TBC1D2: variants seen among roughly 807,000 people sequenced by gnomAD.
TBC1D2 encodes the protein TBC1 domain family member 2, also known as TBC1 domain family member 2A.
Under a neutral mutation model 91.1 loss-of-function variants are expected in TBC1D2, and 58 were observed. That is an observed-to-expected ratio of 0.64 (90% CI 0.52 to 0.79). The LOEUF is 0.79. TBC1D2 is among the 30% of genes least tolerant of loss of function. The pLI, the probability that TBC1D2 is intolerant of heterozygous loss-of-function variation, is 0.00. For synonymous variants in TBC1D2, 482 were observed against 511.5 expected (o/e 0.94, Z 0.78); for missense variants, 1,080 against 1,208.3 (o/e 0.89, Z 1.57).
chr9:98,218,840 G>A (rs542106448), intron 6 of TBC1D2, among the ~76,000 whole-genome samples: 15 of 152,254 alleles, frequency 9.9e-5, no homozygotes, highest in African/African-American at 2.2e-4. Flanking sequence ...ACAGGCGTGC[G>A]CCACCACAAA....
In TBC1D2 at chr9:98,221,121, C is replaced by A. The variant is rs1367387492; in HGVS notation, c.1086G>T (p.Val362=). ...AAEDKDRLEL[V]RHKVRQIAEL... ...CCGCGATCTGCCGCACTTTGTGCCG[C>A]ACCAGCTCCAGCCGGTCCTTGTCCT... Residue 362 remains valine, a synonymous_variant, in exon 6 of 13, where the codon GTG becomes GTT. Transcript: ENST00000465784. The A allele has an allele frequency of 1.3e-6, 2 of 1,594,474 alleles. No homozygotes were observed. Among genetic ancestry groups the A allele is most frequent in the Non-Finnish European group, 1.7e-6 (2 of 1,171,432 alleles).
chr9:98,232,334 C>CTTTTTTTTTTTTTTTTTT (rs1564251655), intron 4 of TBC1D2, among the ~76,000 whole-genome samples: 5 of 62,886 alleles, frequency 8.0e-5, no homozygotes, highest in Admixed American at 1.5e-4. Context: ...TCTTCTTTCT[C>CTTTTTTTTTTTTTTTTTT]TTTTTCTGTT....
At chr9:98,200,161 A>C in intron 12 of TBC1D2, 92 bp downstream of exon 12, 1 of 1,545,236 alleles carries the variant, frequency 6.5e-7, no homozygotes, top group African/African-American at 1.3e-5. Context: ...GTCACTTACC[A>C]ATCTCTACTT....
At position 98,255,608 on chromosome 9, in the gene TBC1D2, C is replaced by T. The variant is rs891265947; in HGVS notation, c.-67G>A. Reference sequence around the variant, plus strand: ...GACCACCAGGGACAAATCTCGGAGACTCGGCGGGCAGCTTCCCAAAGGGAG... The same window carrying T: ...GACCACCAGGGACAAATCTCGGAGATTCGGCGGGCAGCTTCCCAAAGGGAG... On this transcript the variant is annotated 5_prime_UTR_variant, in exon 1 of 13. Transcript: ENST00000465784. The T allele has an allele frequency of 9.9e-6, 14 of 1,416,466 alleles. No homozygotes were observed. Among genetic ancestry groups the T allele is most frequent in the Non-Finnish European group, 1.2e-5 (13 of 1,089,032 alleles). 87.7% of individuals were successfully genotyped at this position (1,416,466 alleles called of 1,614,324 possible).
intron 5 of TBC1D2, among the ~76,000 whole-genome samples, chr9:98,227,275 G>A (rs1054353607): frequency 7.9e-5 from 12 of 152,230 alleles, no homozygotes; most frequent in Non-Finnish European, 1.2e-4. Context: ...TCTCTGCCAT[G>A]AAATGCAAGC....
rs1829860483 is a variant in TBC1D2, at chr9:98,250,938, T to C, written c.511+847A>G. 2.0e-5 allele frequency among the ~76,000 whole-genome samples: 3 copies of C among 152,220 alleles called. No individual in the cohort carries two copies. In the South Asian group the frequency reaches 6.2e-4, roughly 32 times the overall value. ...CAGGATTTGGGATCAAGAAACTTCATTTGTGAGTCATCTGGGGGAAAAGGA... is the reference window on the plus strand; with the variant it reads ...CAGGATTTGGGATCAAGAAACTTCACTTGTGAGTCATCTGGGGGAAAAGGA... On this transcript the variant is annotated intron_variant, in intron 2 of 12. Coordinates refer to ENST00000465784, the MANE Select transcript of TBC1D2 (RefSeq NM_001267571.2).
chr9:98,211,697 A>G (rs1828845035), intron 7 of TBC1D2, among the ~76,000 whole-genome samples: 1 of 152,068 alleles, frequency 6.6e-6, no homozygotes, highest in Admixed American at 6.6e-5. Flanking sequence ...ACCAGCTCCA[A>G]GCCATCCTCT....
At chr9:98,209,218 G>T in intron 8 of TBC1D2, 74 bp from the exon 9 acceptor site, 1 of 1,463,650 alleles carries the variant, frequency 6.8e-7, no homozygotes, top group Non-Finnish European at 9.4e-7. Context: ...TGACAGGGAG[G>T]ACCCCAGGCC....
At chr9:98,230,555 C>T (rs945615136) in intron 4 of TBC1D2, among the ~76,000 whole-genome samples, 1 of 152,192 alleles carries the variant, frequency 6.6e-6, no homozygotes, top group African/African-American at 2.4e-5. Context: ...AGCATGAGAC[C>T]AGGCCAAGGG....
intron 10 of TBC1D2, 46 bp from the exon 11 acceptor site, chr9:98,201,710 G>T: frequency 6.4e-7 from 1 of 1,563,504 alleles, no homozygotes; most frequent in Non-Finnish European, 8.7e-7. Flanking sequence ...CCAGCGTAGG[G>T]CTGCCTCCCT....
chr9:98,221,672 C>G (rs1439565695), intron 5 of TBC1D2, among the ~76,000 whole-genome samples: 1 of 152,182 alleles, frequency 6.6e-6, no homozygotes, highest in African/African-American at 2.4e-5. Context: ...TGCTCACCTA[C>G]CTCTGGGTTC....
Position 98,228,849 on chromosome 9 carries a change from T to G in TBC1D2, c.978+103A>C. 1 of 1,135,528 alleles carries G rather than the reference T, an allele frequency of 8.8e-7. No homozygotes were observed. The highest frequency in any genetic ancestry group is 2.4e-5 in the East Asian group (1 of 42,292). 70.3% of individuals were successfully genotyped at this position (1,135,528 alleles called of 1,614,324 possible). On this transcript the variant is annotated intron_variant, in intron 5 of 12. Transcript: ENST00000465784. The surrounding 1 kb of genome is among the most constrained non-coding windows in gnomAD (Gnocchi z 4.0). ...TGGCCTTTAAAGACCAGAGAGTAGC[T>G]GGTGCCCAGCACGGCTAATGCGTCC...
Position 98,255,157 on chromosome 9 carries a change from C to A in TBC1D2, c.369+16G>T, listed in dbSNP as rs1257943629. On this transcript the variant is annotated intron_variant, in intron 1 of 12. Coordinates refer to ENST00000465784, the MANE Select transcript of TBC1D2 (RefSeq NM_001267571.2). Reference sequence around the variant, plus strand: ...CTCACGCCGCTGGAAAGGAGAAAGTCGTTGCAGGAATTTACCTTCAGGGTA... The same window carrying A: ...CTCACGCCGCTGGAAAGGAGAAAGTAGTTGCAGGAATTTACCTTCAGGGTA... 4 of 1,589,958 alleles carry A rather than the reference C, an allele frequency of 2.5e-6. No individual in the cohort carries two copies. In the South Asian group the frequency reaches 3.4e-5, roughly 13 times the overall value.
Position 98,228,837 on chromosome 9 carries a change from C to T in TBC1D2, c.978+115G>A. ...CATTCTGCAGTTTGGCCTTTAAAGACCAGAGAGTAGCTGGTGCCCAGCACG... is the reference window on the plus strand; with the variant it reads ...CATTCTGCAGTTTGGCCTTTAAAGATCAGAGAGTAGCTGGTGCCCAGCACG... On this transcript the variant is annotated intron_variant, in intron 5 of 12. Transcript: ENST00000465784. This position sits in a 1 kb window ranked among gnomAD's most constrained non-coding sequence, Gnocchi z 4.0. 2.0e-6 allele frequency: 2 copies of T among 1,024,548 alleles called. No individual in the cohort carries two copies. Among genetic ancestry groups the T allele is most frequent in the East Asian group, 2.4e-5 (1 of 41,698 alleles). 63.5% of individuals were successfully genotyped at this position (1,024,548 alleles called of 1,614,324 possible).
At chr9:98,245,630 T>C (rs1333511431) in intron 2 of TBC1D2, among the ~76,000 whole-genome samples, 1 of 152,134 alleles carries the variant, frequency 6.6e-6, no homozygotes, top group Non-Finnish European at 1.5e-5. Flanking sequence ...CTCAAAGAAA[T>C]ATACTCCGCA....
At chr9:98,232,846 C>T (rs1279110012) in intron 4 of TBC1D2, among the ~76,000 whole-genome samples, 2 of 152,208 alleles carry the variant, frequency 1.3e-5, no homozygotes, top group Non-Finnish European at 2.9e-5. Flanking sequence ...GAGACGGAGT[C>T]TCACTCTGTC....
At chr9:98,235,372 AG>A (rs1346998204) in intron 3 of TBC1D2, 3 of 456,470 alleles carry the variant, frequency 6.6e-6, no homozygotes, top group Non-Finnish European at 1.3e-5. Context: ...CACAGTTACA[AG>A]GAATTCCAGT....
chr9:98,252,369 C>T (rs2131301676), intron 1 of TBC1D2, among the ~76,000 whole-genome samples: 1 of 152,320 alleles, frequency 6.6e-6, no homozygotes, highest in East Asian at 1.9e-4. Flanking sequence ...TCTTTGCTGC[C>T]TTTTGTGGAA....
At chr9:98,203,218 AC>A in intron 10 of TBC1D2, 69 bp downstream of exon 10, 2 of 1,577,944 alleles carry the variant, frequency 1.3e-6, no homozygotes, top group Non-Finnish European at 1.7e-6. Flanking sequence ...CCTGAGAGTC[AC>A]AGGCTTCTAG....
Sources: allele counts gnomAD v4.1 joint callset (sites outside exome capture counted in the v4.1 genomes callset), GRCh38; gene constraint gnomAD v4.1.1; non-coding constraint Gnocchi (gnomAD v3.1); transcripts MANE v1.5; gene names NCBI Gene and HGNC (gene_info 2026-07-23, HGNC 2026-07-21).